The following AFG3L2 variants were observed in gnomAD, a reference collection of about 807,000 sequenced individuals.
AFG3L2 encodes the protein mitochondrial inner membrane m-AAA protease component AFG3L2.
Under a neutral mutation model 94.5 loss-of-function variants are expected in AFG3L2, and 54 were observed. The ratio of observed to expected loss-of-function variants is 0.57; its 90% CI spans 0.46 to 0.72. The LOEUF is 0.72. AFG3L2 is among the 30% of genes least tolerant of loss of function. AFG3L2 has a pLI of 0.00. For missense variants in AFG3L2, 754 were observed against 994.9 expected, an observed-to-expected ratio of 0.76 and a Z score of 3.26; for synonymous variants, 377 against 365.5, an observed-to-expected ratio of 1.03 and a Z score of -0.36.
intron 13 of AFG3L2, among the ~76,000 whole-genome samples, chr18:12,344,795 C>T (rs1319150930): frequency 3.9e-5 from 6 of 152,114 alleles, no homozygotes; most frequent in Non-Finnish European, 2.9e-5. Flanking sequence ...AAAATGCACT[C>T]ACTCCCCCAT....
At chr18:12,361,931 T>C (rs1465937936) in intron 6 of AFG3L2, among the ~76,000 whole-genome samples, 1 of 152,192 alleles carries the variant, frequency 6.6e-6, no homozygotes, top group Non-Finnish European at 1.5e-5. Context: ...TGCTATCAAC[T>C]GGGCAATGGG....
intron 3 of AFG3L2, 122 bp downstream of exon 3, chr18:12,370,726 TG>T (rs966959892): frequency 4.3e-6 from 3 of 703,506 alleles, no homozygotes; most frequent in African/African-American, 1.8e-5. Context: ...CCCAAAAGGC[TG>T]GGATTACAGG....
chr18:12,377,137 C>T lies in AFG3L2; in HGVS notation c.-55G>A. On this transcript the variant is annotated 5_prime_UTR_variant, in exon 1 of 17. Coordinates refer to ENST00000269143, the MANE Select transcript of AFG3L2 (RefSeq NM_006796.3). ...ACGCTGCGCAGGCGCGGGCAGGCGA[C>T]GACTGGCGGCCTCGGGAAGCGGGCT... 2.4e-6 allele frequency: 3 copies of T among 1,273,766 alleles called. No homozygotes were observed. The highest frequency in any genetic ancestry group is 3.2e-5 in the Admixed American group (1 of 31,716). 78.9% of individuals were successfully genotyped at this position (1,273,766 alleles called of 1,614,324 possible). A position where few individuals can be genotyped will look rare whatever the true frequency, so the allele number is the denominator to read the frequency against.
Position 12,346,376 on chromosome 18 carries a change from T to C in AFG3L2, c.1663+1897A>G, listed in dbSNP as rs182800086. 1.1e-4 allele frequency among the ~76,000 whole-genome samples: 17 copies of C among 152,238 alleles called. 1 individual carries two copies. The highest frequency in any genetic ancestry group is 3.9e-4 in the African/African-American group (16 of 41,556). On this transcript the variant is annotated intron_variant, in intron 13 of 16. Transcript: ENST00000269143. Reference sequence around the variant, plus strand: ...TGCCTGTTCCCAAGTCACACACGCATACCCCTGCCCCGGCTCACATGCAGG... The same window carrying C: ...TGCCTGTTCCCAAGTCACACACGCACACCCCTGCCCCGGCTCACATGCAGG...
rs1279781661 is a variant in AFG3L2, at chr18:12,371,552, C to G, written c.214+40G>C. 3 of 1,568,782 alleles carry G rather than the reference C, an allele frequency of 1.9e-6. No homozygotes were observed. In the Admixed American group the frequency reaches 5.0e-5, roughly 26 times the overall value. On this transcript the variant is annotated intron_variant, in intron 2 of 16. Coordinates refer to ENST00000269143, the MANE Select transcript of AFG3L2 (RefSeq NM_006796.3). ...TACAGAAGGAGACAAAAGACCCAAC[C>G]TAAGAATGTAGAACACTACAGCCAC... is the stretch of plus-strand genomic sequence containing the variant.
chr18:12,366,813 T>G, intron 5 of AFG3L2, 152 bp downstream of exon 5: 2 of 1,075,006 alleles, frequency 1.9e-6, no homozygotes, highest in Non-Finnish European at 2.8e-6. Context: ...GTTCTCTAGT[T>G]GCAGTACTTC....
chr18:12,355,619 T>C (rs1466664639), intron 9 of AFG3L2, among the ~76,000 whole-genome samples: 4 of 152,086 alleles, frequency 2.6e-5, no homozygotes, highest in African/African-American at 7.2e-5. Context: ...TTACATGGAA[T>C]GTCTGTACTA....
intron 8 of AFG3L2, among the ~76,000 whole-genome samples, chr18:12,357,069 T>C (rs930937435): frequency 1.3e-5 from 2 of 152,328 alleles, no homozygotes; most frequent in East Asian, 3.9e-4. Context: ...TATTTCCTTT[T>C]TTTCCTAGGG....
At chr18:12,349,159 G>A (rs950156206) in intron 12 of AFG3L2, among the ~76,000 whole-genome samples, 7 of 152,188 alleles carry the variant, frequency 4.6e-5, no homozygotes, top group African/African-American at 1.7e-4. Context: ...ATAAGCACAT[G>A]AAAAGATGCT....
In AFG3L2 at chr18:12,377,100, T is replaced by C. The variant is rs886053618; in HGVS notation, c.-18A>G. 3 of 1,393,096 alleles carry C rather than the reference T, an allele frequency of 2.2e-6. No individual in the cohort carries two copies. Among genetic ancestry groups the C allele is most frequent in the South Asian group, 1.5e-5 (1 of 68,404 alleles). The allele number at this position is 1,393,096 out of a possible 1,614,324, so 86.3% of individuals were successfully genotyped here. On this transcript the variant is annotated 5_prime_UTR_variant, in exon 1 of 17. Transcript: ENST00000269143. ...TGCGCCATGGCCGCCGCCGTGGCCC[T>C]CTCGGCCCGGGACGCTGCGCAGGCG...
At position 12,376,974 on chromosome 18, in the gene AFG3L2, G is replaced by C. The variant is rs1909180037; in HGVS notation, c.109C>G (p.Arg37Gly). The C allele has an allele frequency of 6.9e-7, 1 of 1,457,804 alleles. No homozygotes were observed. The highest frequency in any genetic ancestry group is 1.5e-5 in the African/African-American group (1 of 67,842). The allele number at this position is 1,457,804 out of a possible 1,614,324, so 90.3% of individuals were successfully genotyped here. A position where few individuals can be genotyped will look rare whatever the true frequency, so the allele number is the denominator to read the frequency against. ...GVGPGEQPCL[R>G]TLYRFVTTQA... Reference sequence around the variant, plus strand: ...GGCGCCCAGGTAGGACTCACCGTCCGGAGGCAGGGCTGCTCGCCCGGGCCC... The same window carrying C: ...GGCGCCCAGGTAGGACTCACCGTCCCGAGGCAGGGCTGCTCGCCCGGGCCC... Residue 37 changes from arginine to glycine, a missense_variant, in exon 1 of 17, where the codon CGG becomes GGG. Coordinates refer to ENST00000269143, the MANE Select transcript of AFG3L2 (RefSeq NM_006796.3).
At chr18:12,371,431 T>C (rs1317059222) in intron 2 of AFG3L2, among the ~76,000 whole-genome samples, 161 bp downstream of exon 2, 1 of 152,212 alleles carries the variant, frequency 6.6e-6, no homozygotes, top group East Asian at 1.9e-4. Context: ...GCCTCCTTTT[T>C]GCATATCAAT....
chr18:12,370,870 C>T lies in AFG3L2; in HGVS notation c.271G>A (p.Glu91Lys), dbSNP rs1908965397. ...GTACCTTTTTTCTCTCCCATAACTT[C>T]TTTAGGTTCACTAGCTTTTTTTCCA... The part of the protein sequence containing the change: ...KNGKKASEPK[E>K]VMGEKKESKP... Residue 91 changes from glutamate (E) to lysine (K), a missense_variant, in exon 3 of 17, where the codon GAA becomes AAA. By Grantham distance (56) the Glu-to-Lys change is moderately conservative (BLOSUM62 1). Transcript: ENST00000269143. 6.3e-7 allele frequency: 1 copy of T among 1,589,018 alleles called. No individual in the cohort carries two copies.
chr18:12,361,144 C>T (rs1172372066), intron 6 of AFG3L2, among the ~76,000 whole-genome samples: 1 of 152,162 alleles, frequency 6.6e-6, no homozygotes, highest in Non-Finnish European at 1.5e-5. Flanking sequence ...GCCCAGGTGG[C>T]AGATCACCTG....
At position 12,363,504 on chromosome 18, in the gene AFG3L2, T is replaced by C. The variant is rs968691710; in HGVS notation, c.627+278A>G. On this transcript the variant is annotated intron_variant, in intron 6 of 16. Coordinates refer to ENST00000269143, the MANE Select transcript of AFG3L2 (RefSeq NM_006796.3). ...AGTCTTGAAAAGTCACAGACTATTCTGGAATACTGAAAACTGGGATTTCAC... is the reference window on the plus strand; with the variant it reads ...AGTCTTGAAAAGTCACAGACTATTCCGGAATACTGAAAACTGGGATTTCAC... Among the ~76,000 whole-genome samples the C allele has an allele frequency of 5.3e-5, 8 of 152,206 alleles. No homozygotes were observed. The East Asian group carries it at 1.5e-3, about 29-fold the overall frequency.
At position 12,371,491 on chromosome 18, in the gene AFG3L2, T is replaced by C. The variant is rs1357459531; in HGVS notation, c.214+101A>G. On this transcript the variant is annotated intron_variant, in intron 2 of 16. Transcript: ENST00000269143. ...TTTGAAGATGACATATCTTCATCGC[T>C]GTAATCAGACATAAGTTGGAGGCAG... is the stretch of plus-strand genomic sequence containing the variant. 4 of 891,600 alleles carry C rather than the reference T, an allele frequency of 4.5e-6. No individual in the cohort carries two copies. The African/African-American group carries it at 6.6e-5, about 15-fold the overall frequency. 55.2% of individuals were successfully genotyped at this position (891,600 alleles called of 1,614,324 possible). A position where few individuals can be genotyped will look rare whatever the true frequency, so the allele number is the denominator to read the frequency against.
At chr18:12,357,883 GCC>G (rs1484600708) in intron 8 of AFG3L2, among the ~76,000 whole-genome samples, 1 of 152,178 alleles carries the variant, frequency 6.6e-6, no homozygotes, top group African/African-American at 2.4e-5. Context: ...ACAGGAGTGA[GCC>G]ACTGCGCCTG....
chr18:12,358,029 T>C lies in AFG3L2; in HGVS notation c.1026+641A>G, dbSNP rs532470135. On this transcript the variant is annotated intron_variant, in intron 8 of 16. Coordinates refer to ENST00000269143, the MANE Select transcript of AFG3L2 (RefSeq NM_006796.3). ...GACATAAAAATCAAGGAAATGATTA[T>C]CTTTCAAAGGATTCCTTTAAAGTAA... Among the ~76,000 whole-genome samples the C allele has an allele frequency of 1.5e-4, 23 of 152,368 alleles. No individual in the cohort carries two copies. The East Asian group carries it at 4.2e-3, about 28-fold the overall frequency.
At chr18:12,340,967 G>C (rs997726498) in intron 14 of AFG3L2, 7 of 155,450 alleles carry the variant, frequency 4.5e-5, no homozygotes, top group African/African-American at 1.7e-4. Context: ...TTTGCTGCTC[G>C]GGATGGTCTT....
Sources: gnomAD v4.1 joint callset for allele counts (sites outside exome capture counted in the v4.1 genomes callset) on GRCh38, gnomAD v4.1.1 for gene constraint, MANE v1.5 for transcripts, NCBI Gene and HGNC (gene_info 2026-07-23, HGNC 2026-07-21) for gene names.